PCDHB15: variants seen among roughly 807,000 people sequenced by gnomAD.
PCDHB15 encodes protocadherin beta 15.
For missense variants in PCDHB15, 1,032 were observed against 991.7 expected (o/e 1.04, Z -0.55); for synonymous variants, 492 against 447.9 (o/e 1.10, Z -1.24).
chr5:141,246,144 G>C lies in PCDHB15; in HGVS notation c.566G>C (p.Arg189Thr), dbSNP rs1755253654. Residue 189 changes from arginine to threonine, a missense_variant, in exon 1 of 1, where the codon AGG (arginine) becomes ACG (threonine). Physicochemically the swap from Arg to Thr is moderately conservative, Grantham distance 71. Transcript: ENST00000231173. ...TCCACTCGCACCCGAGGGGATGGCA[G>C]GAAATACCCAGAGCTGGTGCTGGAC... ...HVSTRTRGDG[R>T]KYPELVLDTE... 1 of 1,614,098 alleles carries C rather than the reference G, an allele frequency of 6.2e-7. No individual in the cohort carries two copies. Among genetic ancestry groups the C allele is most frequent in the African/African-American group, 1.3e-5 (1 of 74,926 alleles).
rs1163946517 is a variant in PCDHB15 at position 141,247,629 on chromosome 5, A to G, written c.2051A>G (p.Asp684Gly). Residue 684 changes from aspartate (D) to glycine (G), a missense_variant, in exon 1 of 1, where the codon GAC (aspartate) becomes GGC (glycine). Coordinates refer to ENST00000231173, the MANE Select transcript of PCDHB15 (RefSeq NM_018935.4). ...GCGGCCCCGGCCCAAGCCCAGGCCGACTCGCTTACCGTCTACCTGGTGGTG... is the reference window on the plus strand; with the variant it reads ...GCGGCCCCGGCCCAAGCCCAGGCCGGCTCGCTTACCGTCTACCTGGTGGTG... ...PEAAPAQAQA[D>G]SLTVYLVVAL... is the part of the protein sequence containing the mutation. The G allele has an allele frequency of 6.2e-7, 1 of 1,609,220 alleles. No individual in the cohort carries two copies. Among genetic ancestry groups the G allele is most frequent in the African/African-American group, 1.3e-5 (1 of 74,436 alleles).
At position 141,246,566 on chromosome 5, in the gene PCDHB15, A is replaced by G. The variant is rs1387483808; in HGVS notation, c.988A>G (p.Lys330Glu). ...ATCTGATGGCGGGGGACTTTCTGGA[A>G]AATGCTCTGTCTCTGTTAAGGTGCT... ...EASDGGGLSG[K>E]CSVSVKVLDV... The change falls in exon 1 of 1, where the codon AAA becomes GAA. Residue 330 changes from lysine (K) to glutamate (E), a missense_variant. By Grantham distance (56) the Lys-to-Glu change is moderately conservative. Transcript: ENST00000231173. 1 of 1,614,044 alleles carries G rather than the reference A, an allele frequency of 6.2e-7. No individual in the cohort carries two copies. Among genetic ancestry groups the G allele is most frequent in the Non-Finnish European group, 8.5e-7 (1 of 1,180,036 alleles).
rs1755234809 is a variant in PCDHB15 at position 141,245,572 on chromosome 5, A to G, written c.-7A>G. On this transcript the variant is annotated 5_prime_UTR_variant, in exon 1 of 1. Coordinates refer to ENST00000231173, the MANE Select transcript of PCDHB15 (RefSeq NM_018935.4). Reference sequence around the variant, plus strand: ...GTTCCTTGAAAGGGGCGTGTACAGAAGTAAAGATGGAGCCTGCAGGGGAGC... The same window carrying G: ...GTTCCTTGAAAGGGGCGTGTACAGAGGTAAAGATGGAGCCTGCAGGGGAGC... The G allele has an allele frequency of 6.2e-7, 1 of 1,613,190 alleles. No individual in the cohort carries two copies. The highest frequency in any genetic ancestry group is 2.2e-5 in the East Asian group (1 of 44,878).
In PCDHB15 at chr5:141,247,795, G is replaced by C; in HGVS notation, c.2217G>C (p.Val739=). 1 of 1,614,222 alleles carries C rather than the reference G, an allele frequency of 6.2e-7. No individual in the cohort carries two copies. The highest frequency in any genetic ancestry group is 8.5e-7 in the Non-Finnish European group (1 of 1,180,034). Residue 739 remains valine, a synonymous_variant, in exon 1 of 1, where the codon GTG becomes GTC. Transcript: ENST00000231173. ...CCTTTCCAGGGCATCTGGTGGACGT[G>C]AGCGGCACCGGGACCCTTTCCCAGA... The part of the protein sequence containing the change: ...EGPFPGHLVD[V]SGTGTLSQSY...
chr5:141,246,317 T>C lies in PCDHB15; in HGVS notation c.739T>C (p.Tyr247His). The C allele has an allele frequency of 6.2e-7, 1 of 1,614,146 alleles. No individual in the cohort carries two copies. The highest frequency in any genetic ancestry group is 1.1e-5 in the South Asian group (1 of 91,086). The change falls in exon 1 of 1, where the codon TAC becomes CAC. Residue 247 changes from tyrosine to histidine, a missense_variant. Coordinates refer to ENST00000231173, the MANE Select transcript of PCDHB15 (RefSeq NM_018935.4). ...DNAPEFVQALYEVQVPENSPV... is the reference protein window; with the variant it reads ...DNAPEFVQALHEVQVPENSPV... ...TGCCCCGGAGTTTGTGCAGGCGCTC[T>C]ACGAGGTGCAGGTCCCAGAGAACAG...
Position 141,247,120 on chromosome 5 carries a change from C to G in PCDHB15, c.1542C>G (p.Phe514Leu). Reference protein sequence around the residue: ...VSINTDNGHLFALQSLDYEAL... With the variant: ...VSINTDNGHLLALQSLDYEAL... Reference sequence around the variant, plus strand: ...TTAACACGGACAACGGCCACCTGTTCGCTCTCCAGTCGCTGGACTACGAGG... The same window carrying G: ...TTAACACGGACAACGGCCACCTGTTGGCTCTCCAGTCGCTGGACTACGAGG... The change falls in exon 1 of 1, where the codon TTC becomes TTG. Residue 514 changes from phenylalanine (F) to leucine (L), a missense_variant. Phe to Leu is a conservative substitution (Grantham distance 22). Coordinates refer to ENST00000231173, the MANE Select transcript of PCDHB15 (RefSeq NM_018935.4). 1 of 1,613,978 alleles carries G rather than the reference C, an allele frequency of 6.2e-7. No homozygotes were observed. The highest frequency in any genetic ancestry group is 1.3e-5 in the African/African-American group (1 of 75,062).
Position 141,247,535 on chromosome 5 carries a change from T to C in PCDHB15, c.1957T>C (p.Ser653Pro). 1 of 1,608,454 alleles carries C rather than the reference T, an allele frequency of 6.2e-7. No individual in the cohort carries two copies. The highest frequency in any genetic ancestry group is 8.5e-7 in the Non-Finnish European group (1 of 1,179,734). ...CAAGGACAATGGCGAGCCTCCGCGC[T>C]CGGCCACCGCCACGCTGCAAGTGCT... ...LVKDNGEPPRSATATLQVLLV... is the reference protein window; with the variant it reads ...LVKDNGEPPRPATATLQVLLV... Residue 653 changes from serine to proline, a missense_variant, in exon 1 of 1, where the codon TCG becomes CCG. By Grantham distance (74) the Ser-to-Pro change is moderately conservative. Coordinates refer to ENST00000231173, the MANE Select transcript of PCDHB15 (RefSeq NM_018935.4).
Position 141,247,348 on chromosome 5 carries a change from G to A in PCDHB15, c.1770G>A (p.Val590=), listed in dbSNP as rs1564025860. The change falls in exon 1 of 1, where the codon GTG becomes GTA. Residue 590 remains valine, a synonymous_variant. Transcript: ENST00000231173. The stretch of plus-strand genomic sequence containing the variant: ...CGGGCTACCTGGTGACCAAGGTGGT[G>A]GCGGTGGACGGCGACTCGGGCCAGA... ...AEPGYLVTKV[V]AVDGDSGQNA... The A allele has an allele frequency of 6.2e-7, 1 of 1,605,948 alleles. No individual in the cohort carries two copies. Among genetic ancestry groups the A allele is most frequent in the Non-Finnish European group, 8.5e-7 (1 of 1,178,466 alleles).
At position 141,246,218 on chromosome 5, in the gene PCDHB15, G is replaced by T; in HGVS notation, c.640G>T (p.Ala214Ser). The T allele has an allele frequency of 6.2e-7, 1 of 1,614,174 alleles. No individual in the cohort carries two copies. Among genetic ancestry groups the T allele is most frequent in the Non-Finnish European group, 8.5e-7 (1 of 1,180,028 alleles). The change falls in exon 1 of 1, where the codon GCG becomes TCG. Residue 214 changes from alanine (A) to serine (S), a missense_variant. Coordinates refer to ENST00000231173, the MANE Select transcript of PCDHB15 (RefSeq NM_018935.4). ...EQAELRLTLT[A>S]VDGGSPPRSG... ...GGCCGAGCTCAGATTAACCTTGACAGCGGTGGACGGTGGCTCTCCACCCCG... is the reference window on the plus strand; with the variant it reads ...GGCCGAGCTCAGATTAACCTTGACATCGGTGGACGGTGGCTCTCCACCCCG...
Position 141,246,673 on chromosome 5 carries a change from G to A in PCDHB15, c.1095G>A (p.Val365=). ...CCGAGAATTCTCCAGAGACAGAAGTGGCCCTGTTTAGGATTAGAGACCGAG... is the reference window on the plus strand; with the variant it reads ...CCGAGAATTCTCCAGAGACAGAAGTAGCCCTGTTTAGGATTAGAGACCGAG... ...PIPENSPETE[V]ALFRIRDRDS... The change falls in exon 1 of 1, where the codon GTG becomes GTA. Residue 365 remains valine, a synonymous_variant. Transcript: ENST00000231173. 1.2e-6 allele frequency: 2 copies of A among 1,614,126 alleles called. No individual in the cohort carries two copies. Among genetic ancestry groups the A allele is most frequent in the Non-Finnish European group, 1.7e-6 (2 of 1,180,004 alleles).
rs1254521942 is a variant in PCDHB15, at chr5:141,248,377, T to C, written c.*435T>C. ...TGTAATCATTTCATATTTATCCATG[T>C]GTAATTTCTTCCAAGCTTCATATTT... On this transcript the variant is annotated 3_prime_UTR_variant, in exon 1 of 1. Transcript: ENST00000231173. The C allele has an allele frequency of 6.2e-6, 1 of 160,820 alleles. No individual in the cohort carries two copies. The highest frequency in any genetic ancestry group is 6.5e-5 in the Admixed American group (1 of 15,288). 10.0% of individuals were successfully genotyped at this position (160,820 alleles called of 1,614,324 possible). A position where few individuals can be genotyped will look rare whatever the true frequency, so the allele number is the denominator to read the frequency against.
In PCDHB15 at chr5:141,246,346, AG is replaced by A. The variant is rs782428925; in HGVS notation, c.769del (p.Val257Ter). On this transcript the variant is annotated frameshift_variant, in exon 1 of 1. Coordinates refer to ENST00000231173, the MANE Select transcript of PCDHB15 (RefSeq NM_018935.4). LOFTEE classifies it low-confidence loss of function (END_TRUNC). ...YEVQVPENSP[V>X]GSLVVKVSAR... is the part of the protein sequence containing the mutation. Reference sequence around the variant, plus strand: ...AGGTGCAGGTCCCAGAGAACAGCCCAGTAGGCTCCCTAGTTGTCAAGGTCTC... The same window carrying A: ...AGGTGCAGGTCCCAGAGAACAGCCCATAGGCTCCCTAGTTGTCAAGGTCTC... The A allele has an allele frequency of 6.2e-7, 1 of 1,614,126 alleles. No homozygotes were observed. Among genetic ancestry groups the A allele is most frequent in the Non-Finnish European group, 8.5e-7 (1 of 1,179,994 alleles).
chr5:141,247,375 C>T lies in PCDHB15; in HGVS notation c.1797C>T (p.Asn599=), dbSNP rs536732904. ...VVAVDGDSGQ[N]AWLSYQLLKA... is the part of the protein sequence containing the mutation. ...CGGTGGACGGCGACTCGGGCCAGAA[C>T]GCCTGGCTGTCGTACCAGCTGCTCA... The change falls in exon 1 of 1, where the codon AAC becomes AAT. Residue 599 remains asparagine (N), a synonymous_variant. Transcript: ENST00000231173. 289 of 1,605,300 alleles carry T rather than the reference C, an allele frequency of 1.8e-4. 1 individual carries two copies. Among genetic ancestry groups the T allele is most frequent in the Non-Finnish European group, 2.0e-4 (239 of 1,178,780 alleles).
In PCDHB15 at chr5:141,246,329, G is replaced by A. The variant is rs201493933; in HGVS notation, c.751G>A (p.Val251Ile). 3.2e-3 allele frequency: 5,097 copies of A among 1,614,140 alleles called. 198 individuals are homozygous for A. The South Asian group carries it at 0.053, about 17-fold the overall frequency. The part of the protein sequence containing the change: ...EFVQALYEVQ[V>I]PENSPVGSLV... ...TGTGCAGGCGCTCTACGAGGTGCAG[G>A]TCCCAGAGAACAGCCCAGTAGGCTC... Residue 251 changes from valine (V) to isoleucine (I), a missense_variant, in exon 1 of 1, where the codon GTC becomes ATC. Physicochemically the swap from Val to Ile is conservative, Grantham distance 29. Transcript: ENST00000231173.
At position 141,247,971 on chromosome 5, in the gene PCDHB15, TG is replaced by T; in HGVS notation, c.*30del. 1 of 1,529,834 alleles carries T rather than the reference TG, an allele frequency of 6.5e-7. No individual in the cohort carries two copies. The allele number at this position is 1,529,834 out of a possible 1,614,324, so 94.8% of individuals were successfully genotyped here. A position where few individuals can be genotyped will look rare whatever the true frequency, so the allele number is the denominator to read the frequency against. ...AGGTATCTGTAGCTTTCCGACCGTC[TG>T]TTAATTTTGTCTTCCTCACTTTTCA... On this transcript the variant is annotated 3_prime_UTR_variant, in exon 1 of 1. Coordinates refer to ENST00000231173, the MANE Select transcript of PCDHB15 (RefSeq NM_018935.4).
At position 141,247,771 on chromosome 5, in the gene PCDHB15, C is replaced by A; in HGVS notation, c.2193C>A (p.Pro731=). The A allele has an allele frequency of 6.2e-7, 1 of 1,614,212 alleles. No individual in the cohort carries two copies. Among genetic ancestry groups the A allele is most frequent in the East Asian group, 2.2e-5 (1 of 44,876 alleles). ...SVGRCSVPEG[P]FPGHLVDVSG... ...GTCGCTGCTCGGTGCCCGAGGGCCC[C>A]TTTCCAGGGCATCTGGTGGACGTGA... Residue 731 remains proline, a synonymous_variant, in exon 1 of 1, where the codon CCC becomes CCA. Coordinates refer to ENST00000231173, the MANE Select transcript of PCDHB15 (RefSeq NM_018935.4).
In PCDHB15 at chr5:141,247,445, G is replaced by T. The variant is rs782795739; in HGVS notation, c.1867G>T (p.Glu623Ter). The T allele has an allele frequency of 6.2e-6, 10 of 1,607,264 alleles. No homozygotes were observed. Among genetic ancestry groups the T allele is most frequent in the Non-Finnish European group, 7.6e-6 (9 of 1,179,624 alleles). ...GTTCGGCGTGTGGGCGCACAATGGCGAGGTGCGCACCGCCAGGCTGCTGAG... is the reference window on the plus strand; with the variant it reads ...GTTCGGCGTGTGGGCGCACAATGGCTAGGTGCGCACCGCCAGGCTGCTGAG... ...GLFGVWAHNGEVRTARLLSER... is the reference protein window; with the variant it reads ...GLFGVWAHNG Residue 623 changes from glutamate to a stop codon, truncating the protein, a stop_gained, in exon 1 of 1, where the codon GAG becomes TAG. Transcript: ENST00000231173. LOFTEE classifies it low-confidence loss of function (END_TRUNC).
In PCDHB15 at chr5:141,245,967, C is replaced by T. The variant is rs1554291825; in HGVS notation, c.389C>T (p.Ser130Phe). The change falls in exon 1 of 1, where the codon TCT becomes TTT. Residue 130 changes from serine (S) to phenylalanine (F), a missense_variant. Transcript: ENST00000231173. ...CTAGTGACAGACATAAACGATCATT[C>T]TCCTGAGTTTCCTGAAAGAGAAATG... is the stretch of plus-strand genomic sequence containing the variant. ...ELLVTDINDH[S>F]PEFPEREMTL... 1 of 1,614,194 alleles carries T rather than the reference C, an allele frequency of 6.2e-7. No homozygotes were observed. Among genetic ancestry groups the T allele is most frequent in the Non-Finnish European group, 8.5e-7 (1 of 1,180,052 alleles).
chr5:141,247,421 T>A lies in PCDHB15; in HGVS notation c.1843T>A (p.Phe615Ile). The A allele has an allele frequency of 6.2e-7, 1 of 1,606,134 alleles. No homozygotes were observed. Among genetic ancestry groups the A allele is most frequent in the Non-Finnish European group, 8.5e-7 (1 of 1,179,506 alleles). ...GCTCAAGGCCACGGAGCCCGGGCTG[T>A]TCGGCGTGTGGGCGCACAATGGCGA... ...QLLKATEPGL[F>I]GVWAHNGEVR... The change falls in exon 1 of 1, where the codon TTC (phenylalanine) becomes ATC (isoleucine). Residue 615 changes from phenylalanine (F) to isoleucine (I), a missense_variant. Physicochemically the swap from Phe to Ile is conservative, Grantham distance 21. Coordinates refer to ENST00000231173, the MANE Select transcript of PCDHB15 (RefSeq NM_018935.4).
Sources: allele counts gnomAD v4.1 joint callset, GRCh38; gene constraint gnomAD v4.1.1; transcripts MANE v1.5; gene names NCBI Gene and HGNC (gene_info 2026-07-23, HGNC 2026-07-21).